The following NIBAN3 variants were observed in gnomAD, a reference collection of about 807,000 sequenced individuals.
NIBAN3 encodes protein Niban 3.
In NIBAN3, 66 loss-of-function variants were observed where a neutral mutation model predicts 76.4. The ratio of observed to expected loss-of-function variants is 0.86; its 90% confidence interval spans 0.71 to 1.06. The LOEUF (loss-of-function observed/expected upper bound fraction) is 1.06. Among genes scored for constraint, NIBAN3 ranks in the 50% least tolerant of loss-of-function variants. NIBAN3 has a pLI of 0.00. For missense variants in NIBAN3, 808 were observed against 810.7 expected (o/e 1.00, Z 0.04); for synonymous variants, 360 against 355.2 (o/e 1.01, Z -0.15).
chr19:17,539,572 G>A, intron 7 of NIBAN3, 31 bp from the exon 8 acceptor site: 1 of 1,500,238 alleles, frequency 6.7e-7, no homozygotes, highest in Non-Finnish European at 9.0e-7. Flanking sequence ...CCCGTGTCTC[G>A]GCTTTGTCCC....
chr19:17,527,460 A>G, intron 1 of NIBAN3, 65 bp downstream of exon 1: 1 of 1,447,112 alleles, frequency 6.9e-7, no homozygotes, highest in Non-Finnish European at 9.1e-7. Flanking sequence ...CATTGGGTCC[A>G]CATGCTCCAT....
At chr19:17,523,383 T>C (rs2075575504), upstream of NIBAN3, 2 of 1,515,002 alleles carry the variant, frequency 1.3e-6, no homozygotes, top group East Asian at 5.0e-5. Flanking sequence ...GAAAGTGAAG[T>C]TTGCTTCAAC....
chr19:17,532,358 C>T lies in NIBAN3; in HGVS notation c.282C>T (p.Asp94=), dbSNP rs143668756. ...CGATCTTCTGTGTTCTGCGTGGGGACGGCCGCCTAGAGTGGTTCAGCCACA... is the reference window on the plus strand; with the variant it reads ...CGATCTTCTGTGTTCTGCGTGGGGATGGCCGCCTAGAGTGGTTCAGCCACA... The part of the protein sequence containing the change: ...WQPIFCVLRG[D]GRLEWFSHKE... The change falls in exon 3 of 15, where the codon GAC becomes GAT. Residue 94 remains aspartate, a synonymous_variant. Coordinates refer to ENST00000599164, the MANE Select transcript of NIBAN3 (RefSeq NM_001321827.2). 88 of 1,614,038 alleles carry T rather than the reference C, an allele frequency of 5.5e-5. No homozygotes were observed. The highest frequency in any genetic ancestry group is 6.9e-5 in the Non-Finnish European group (81 of 1,180,028).
At chr19:17,549,679 C>A in intron 14 of NIBAN3, 152 bp downstream of exon 14, 1 of 713,308 alleles carries the variant, frequency 1.4e-6, no homozygotes. Flanking sequence ...CCTGGCCAAG[C>A]TCGTGAACAA....
At chr19:17,534,790 C>CAAA (rs751685692) in intron 4 of NIBAN3, among the ~76,000 whole-genome samples, 8 of 75,780 alleles carry the variant, frequency 1.1e-4, no homozygotes. Flanking sequence ...GACTCCATCT[C>CAAA]AAAAAAAAAA....
At chr19:17,553,871 C>CTT (rs368209352), downstream of NIBAN3, 15,968 of 141,022 alleles carry the variant, frequency 0.11, 1,111 homozygotes, top group East Asian at 0.22. Flanking sequence ...TTGTTTTTAC[C>CTT]TTTTTTTTTT....
At chr19:17,532,133 C>A in intron 2 of NIBAN3, 130 bp from the exon 3 acceptor site, 1 of 1,225,728 alleles carries the variant, frequency 8.2e-7, no homozygotes, top group Non-Finnish European at 1.1e-6. Flanking sequence ...CTGCCTAGGA[C>A]TCTCTCTGTC....
downstream of NIBAN3, among the ~76,000 whole-genome samples, chr19:17,554,242 G>A (rs183866505): frequency 2.6e-5 from 4 of 152,290 alleles, no homozygotes; most frequent in African/African-American, 4.8e-5. Flanking sequence ...CAGTTTGGGA[G>A]GCTGAAGGGG....
At chr19:17,536,938 A>T (rs548101576) in intron 4 of NIBAN3, among the ~76,000 whole-genome samples, 1 of 152,030 alleles carries the variant, frequency 6.6e-6, no homozygotes, top group African/African-American at 2.4e-5. Context: ...GGAGTTCAAG[A>T]CCAGCCTGGG....
Position 17,542,221 on chromosome 19 carries a change from G to A in NIBAN3, c.1256G>A (p.Gly419Glu). 1 of 1,614,020 alleles carries A rather than the reference G, an allele frequency of 6.2e-7. No individual in the cohort carries two copies. The highest frequency in any genetic ancestry group is 8.5e-7 in the Non-Finnish European group (1 of 1,180,006). ...REAERSRGRL[G>E]QLAAPFGFLG... Reference sequence around the variant, plus strand: ...GCCGAGCGGAGCCGGGGGCGCTTGGGGCAGCTGGCAGCACCGTTTGGCTTT... The same window carrying A: ...GCCGAGCGGAGCCGGGGGCGCTTGGAGCAGCTGGCAGCACCGTTTGGCTTT... The change falls in exon 10 of 15, where the codon GGG becomes GAG. Residue 419 changes from glycine (G) to glutamate (E), a missense_variant. Physicochemically the swap from Gly to Glu is moderately conservative, Grantham distance 98 (BLOSUM62 -2). Transcript: ENST00000599164. The surrounding 1 kb of genome is among the most constrained non-coding windows in gnomAD (Gnocchi z 4.8).
chr19:17,554,803 T>G (rs1599771628), downstream of NIBAN3, among the ~76,000 whole-genome samples: 1 of 136,376 alleles, frequency 7.3e-6, no homozygotes, highest in South Asian at 2.2e-4. Flanking sequence ...AAGAAAATAA[T>G]AATAATAATA....
chr19:17,534,513 C>T (rs948537804), intron 4 of NIBAN3, among the ~76,000 whole-genome samples: 11 of 150,978 alleles, frequency 7.3e-5, no homozygotes, highest in African/African-American at 2.7e-4. Flanking sequence ...AAAGGTAGGC[C>T]GGGCGTGGTG....
intron 13 of NIBAN3, among the ~76,000 whole-genome samples, chr19:17,548,705 C>T (rs113687477): frequency 0.11 from 16,963 of 152,158 alleles, 1,010 homozygotes; most frequent in East Asian, 0.24. Context: ...GAGGGTGGAT[C>T]ACTGGAGGTC....
chr19:17,553,614 A>G lies in NIBAN3; in HGVS notation c.*1716A>G, dbSNP rs927311257. On this transcript the variant is annotated 3_prime_UTR_variant, in exon 15 of 15. Transcript: ENST00000599164. ...TCCCTCCAACCCCACCTTCCGAAAT[A>G]CATTTGCTCAATACATTTGCACTTC... is the stretch of plus-strand genomic sequence containing the variant. 3 of 1,497,708 alleles carry G rather than the reference A, an allele frequency of 2.0e-6. No individual in the cohort carries two copies. Among genetic ancestry groups the G allele is most frequent in the Non-Finnish European group, 2.8e-6 (3 of 1,076,236 alleles). The allele number at this position is 1,497,708 out of a possible 1,614,324, so 92.8% of individuals were successfully genotyped here. A position where few individuals can be genotyped will look rare whatever the true frequency, so the allele number is the denominator to read the frequency against.
chr19:17,552,069 T>C lies in NIBAN3; in HGVS notation c.*171T>C. On this transcript the variant is annotated 3_prime_UTR_variant, in exon 15 of 15. Transcript: ENST00000599164. ...TATTTGTGTATTTTCCCCAAGGCTT[T>C]CTTTATTTTAATTTTTTTTTTTTTT... The C allele has an allele frequency of 2.4e-6, 1 of 422,192 alleles. No homozygotes were observed. The highest frequency in any genetic ancestry group is 4.2e-6 in the Non-Finnish European group (1 of 238,878). 26.2% of individuals were successfully genotyped at this position (422,192 alleles called of 1,614,324 possible). A position where few individuals can be genotyped will look rare whatever the true frequency, so the allele number is the denominator to read the frequency against.
chr19:17,543,372 C>T lies in NIBAN3; in HGVS notation c.1385C>T (p.Thr462Met), dbSNP rs45532635. 180,493 of 1,598,482 alleles carry T rather than the reference C, an allele frequency of 0.11. 10,985 individuals carry two copies. The highest frequency in any genetic ancestry group is 0.22 in the East Asian group (9,772 of 44,534). ...FLQLADQCLT[T>M]ALNCDQAAQR... is the part of the protein sequence containing the mutation. ...CAGCTGGCTGACCAGTGTCTGACGA[C>T]GGCCCTCAACTGTGACCAGGCTGCC... Residue 462 changes from threonine to methionine, a missense_variant, in exon 11 of 15, where the codon ACG becomes ATG. Transcript: ENST00000599164.
upstream of NIBAN3, among the ~76,000 whole-genome samples, chr19:17,526,681 A>T (rs1379564388): frequency 6.6e-6 from 1 of 151,598 alleles, no homozygotes; most frequent in Non-Finnish European, 1.5e-5. Context: ...AATGGAGTCC[A>T]GGTGATGGAC....
At chr19:17,547,601 C>T (rs138749553) in intron 13 of NIBAN3, among the ~76,000 whole-genome samples, 1 of 151,162 alleles carries the variant, frequency 6.6e-6, no homozygotes, top group Non-Finnish European at 1.5e-5. Flanking sequence ...GATCCTCCCC[C>T]CTTGGGCTCC....
downstream of NIBAN3, among the ~76,000 whole-genome samples, chr19:17,553,994 C>T (rs967347537): frequency 3.0e-4 from 46 of 151,744 alleles, no homozygotes; most frequent in Admixed American, 2.6e-3. Flanking sequence ...CCTCGGCCTC[C>T]GTAGTAGCTG....
Sources: gnomAD v4.1 joint callset for allele counts (sites outside exome capture counted in the v4.1 genomes callset) on GRCh38, gnomAD v4.1.1 for gene constraint, Gnocchi (gnomAD v3.1) non-coding constraint, MANE v1.5 for transcripts, NCBI Gene and HGNC (gene_info 2026-07-23, HGNC 2026-07-21) for gene names.